Variants in PTGIS observed in about 807,000 individuals in gnomAD.
PTGIS encodes the protein prostacyclin synthase.
Under a neutral mutation model 50.3 loss-of-function variants are expected in PTGIS, and 45 were observed. The ratio of observed to expected loss-of-function variants is 0.90; its 90% CI spans 0.70 to 1.15. The LOEUF (loss-of-function observed/expected upper bound fraction) is 1.15. Ranked by LOEUF, PTGIS falls within the 50% of genes most tolerant of loss-of-function variation. PTGIS has a pLI of 0.00. For missense variants in PTGIS, 668 were observed against 661.3 expected (o/e 1.01, Z -0.11); for synonymous variants, 260 against 267.7 (o/e 0.97, Z 0.28).
chr20:49,539,727 G>T lies in PTGIS; in HGVS notation c.522-6C>A. Reference sequence around the variant, plus strand: ...AAAGAGTCAGGTAGCCGGCTCTGGGGGCGGCAGACAGAGGGTCAGGGGTCC... The same window carrying T: ...AAAGAGTCAGGTAGCCGGCTCTGGGTGCGGCAGACAGAGGGTCAGGGGTCC... On this transcript the variant is annotated splice_polypyrimidine_tract_variant and splice_region_variant and intron_variant, in intron 4 of 9. Transcript: ENST00000244043. 1.2e-6 allele frequency: 2 copies of T among 1,609,742 alleles called. No homozygotes were observed. Among genetic ancestry groups the T allele is most frequent in the Non-Finnish European group, 1.7e-6 (2 of 1,179,568 alleles).
chr20:49,511,984 G>C (rs1981332912), intron 8 of PTGIS, among the ~76,000 whole-genome samples: 2 of 152,028 alleles, frequency 1.3e-5, no homozygotes, highest in African/African-American at 2.4e-5. Flanking sequence ...TGGGTGGATA[G>C]ATGGATGGAT....
At chr20:49,549,357 T>C (rs763460646) in intron 2 of PTGIS, among the ~76,000 whole-genome samples, 1 of 152,226 alleles carries the variant, frequency 6.6e-6, no homozygotes, top group Non-Finnish European at 1.5e-5. Context: ...GCTAAATAAA[T>C]AGTTGTTAAA....
intron 6 of PTGIS, among the ~76,000 whole-genome samples, chr20:49,518,199 A>G (rs1981544902): frequency 6.6e-6 from 1 of 152,248 alleles, no homozygotes; most frequent in Non-Finnish European, 1.5e-5. Context: ...CAACGGAATA[A>G]AAGAATATCC....
At position 49,539,591 on chromosome 20, in the gene PTGIS, C is replaced by CAGGGAG. The variant is rs764773041; in HGVS notation, c.651_652insCTCCCT (p.Leu217_Ala218insLeuPro). On this transcript the variant is annotated inframe_insertion, in exon 5 of 10. Transcript: ENST00000244043. ...TTACCCACTGACAGGGAGCCACGGG[C>CAGGGAG]CAGTTTGGGGAGCAGCCGGTCGAGC... 9.3e-6 allele frequency: 15 copies of CAGGGAG among 1,613,882 alleles called. No homozygotes were observed. The highest frequency in any genetic ancestry group is 1.3e-5 in the Non-Finnish European group (15 of 1,179,972).
rs1462912051 is a variant in PTGIS at position 49,539,635 on chromosome 20, A to T, written c.608T>A (p.Val203Asp). 1 of 1,613,940 alleles carries T rather than the reference A, an allele frequency of 6.2e-7. No individual in the cohort carries two copies. Among genetic ancestry groups the T allele is most frequent in the Non-Finnish European group, 8.5e-7 (1 of 1,180,022 alleles). Residue 203 changes from valine (V) to aspartate (D), a missense_variant, in exon 5 of 10, where the codon GTC becomes GAC. By Grantham distance (152) the Val-to-Asp change is radical (BLOSUM62 -3). Coordinates refer to ENST00000244043, the MANE Select transcript of PTGIS (RefSeq NM_000961.4). ...GTCGAGCTGGCGAAAGGTGTGGAAG[A>T]CATCAGCTGAGTGGACGCGGTCCTG... ...QAQDRVHSAD[V>D]FHTFRQLDRL...
rs1208951286 is a variant in PTGIS, at chr20:49,504,588, G to A, written c.*3332C>T. On this transcript the variant is annotated 3_prime_UTR_variant, in exon 10 of 10. Transcript: ENST00000244043. ...GTGCGCCTGTAATCTCAGCTACTTG[G>A]GAAGCTGAGGCAGAAGCATTGCTTA... 6.6e-6 allele frequency: 1 copy of A among 151,956 alleles called. No individual in the cohort carries two copies. Among genetic ancestry groups the A allele is most frequent in the African/African-American group, 2.4e-5 (1 of 41,340 alleles). The allele number at this position is 151,956 out of a possible 1,614,324, so 9.4% of individuals were successfully genotyped here. A position where few individuals can be genotyped will look rare whatever the true frequency, so the allele number is the denominator to read the frequency against.
intron 6 of PTGIS, among the ~76,000 whole-genome samples, chr20:49,517,876 C>A (rs1981530214): frequency 6.6e-6 from 1 of 152,244 alleles, no homozygotes; most frequent in South Asian, 2.1e-4. Flanking sequence ...TGTGGGCCAT[C>A]CAGGACTGAC....
intron 1 of PTGIS, among the ~76,000 whole-genome samples, chr20:49,564,894 G>A (rs1337395810): frequency 5.3e-5 from 8 of 151,896 alleles, no homozygotes; most frequent in African/African-American, 1.7e-4. Flanking sequence ...GGGAGCTGGA[G>A]AGCCTTGCTT....
At chr20:49,537,549 G>A (rs577233660) in intron 5 of PTGIS, among the ~76,000 whole-genome samples, 1 of 152,284 alleles carries the variant, frequency 6.6e-6, no homozygotes, top group African/African-American at 2.4e-5. Context: ...GAGGTCAGGA[G>A]TTTAAGACCA....
intron 4 of PTGIS, 114 bp from the exon 5 acceptor site, chr20:49,539,835 C>T (rs1982180742): frequency 1.0e-5 from 14 of 1,382,882 alleles, no homozygotes; most frequent in South Asian, 8.7e-5. Context: ...TCCTACTGTG[C>T]GCCAAAGACC....
intron 2 of PTGIS, 67 bp downstream of exon 2, chr20:49,549,999 C>A (rs1982463674): frequency 1.9e-6 from 3 of 1,612,760 alleles, no homozygotes; most frequent in African/African-American, 2.7e-5. Flanking sequence ...TTGAAGGAAT[C>A]AACAGAAACC....
At chr20:49,525,926 G>A (rs148799762) in intron 5 of PTGIS, among the ~76,000 whole-genome samples, 108 of 152,028 alleles carry the variant, frequency 7.1e-4, no homozygotes, top group African/African-American at 2.3e-3. Context: ...AAAGTATGTT[G>A]GCTTCATTTT....
Position 49,508,009 on chromosome 20 carries a change from C to T in PTGIS, c.1414G>A (p.Glu472Lys). ...CTGCTGAGGTCAAACTCAGGGATCTCCACATCTGCGTTGATCAGCTCCAAG... is the reference window on the plus strand; with the variant it reads ...CTGCTGAGGTCAAACTCAGGGATCTTCACATCTGCGTTGATCAGCTCCAAG... ...LDLELINADV[E>K]IPEFDLSRYG... Residue 472 changes from glutamate to lysine, a missense_variant, in exon 10 of 10, where the codon GAG (glutamate) becomes AAG (lysine). Glu to Lys is a moderately conservative substitution (Grantham distance 56). Coordinates refer to ENST00000244043, the MANE Select transcript of PTGIS (RefSeq NM_000961.4). The T allele has an allele frequency of 6.2e-7, 1 of 1,613,962 alleles. No homozygotes were observed. The highest frequency in any genetic ancestry group is 8.5e-7 in the Non-Finnish European group (1 of 1,180,022).
Position 49,507,946 on chromosome 20 carries a change from G to A in PTGIS, c.1477C>T (p.Pro493Ser). The A allele has an allele frequency of 6.2e-7, 1 of 1,613,042 alleles. No individual in the cohort carries two copies. Among genetic ancestry groups the A allele is most frequent in the Non-Finnish European group, 8.5e-7 (1 of 1,180,032 alleles). The change falls in exon 10 of 10, where the codon CCC (proline) becomes TCC (serine). Residue 493 changes from proline to serine, a missense_variant. Physicochemically the swap from Pro to Ser is moderately conservative, Grantham distance 74. Coordinates refer to ENST00000244043, the MANE Select transcript of PTGIS (RefSeq NM_000961.4). ...CATGGGCGGATGCGGTAGCGGACGG[G>A]CACGTCGTGTTCCGGCTGCATCAGA... is the stretch of plus-strand genomic sequence containing the variant. ...FGLMQPEHDV[P>S]VRYRIRP is the part of the protein sequence containing the mutation.
intron 2 of PTGIS, among the ~76,000 whole-genome samples, chr20:49,549,395 A>G (rs1020880805): frequency 6.6e-6 from 1 of 152,246 alleles, no homozygotes; most frequent in African/African-American, 2.4e-5. Flanking sequence ...AATTACAACA[A>G]AAAAGTCTAA....
intron 6 of PTGIS, among the ~76,000 whole-genome samples, chr20:49,517,147 G>A (rs1255953186): frequency 6.6e-6 from 1 of 152,260 alleles, no homozygotes; most frequent in Non-Finnish European, 1.5e-5. Context: ...CAAGTCGGGG[G>A]GGCCTCCGGC....
At chr20:49,567,952 G>T in intron 1 of PTGIS, 91 bp downstream of exon 1, 1 of 1,254,502 alleles carries the variant, frequency 8.0e-7, no homozygotes, top group South Asian at 1.8e-5. Flanking sequence ...ACTCGGGCCG[G>T]GCCGGCCGCG....
intron 6 of PTGIS, among the ~76,000 whole-genome samples, chr20:49,516,695 G>C (rs916361674): frequency 5.9e-5 from 9 of 152,210 alleles, no homozygotes; most frequent in African/African-American, 2.2e-4. Context: ...CGTGAGGCCA[G>C]GAGGAACCAC....
chr20:49,539,787 C>A, intron 4 of PTGIS, 66 bp from the exon 5 acceptor site: 1 of 1,553,302 alleles, frequency 6.4e-7, no homozygotes, highest in Non-Finnish European at 8.7e-7. Flanking sequence ...CAGCTACTCA[C>A]AAGAGCTTCA....
Sources: allele counts gnomAD v4.1 joint callset (sites outside exome capture counted in the v4.1 genomes callset), GRCh38; gene constraint gnomAD v4.1.1; transcripts MANE v1.5; gene names NCBI Gene and HGNC (gene_info 2026-07-23, HGNC 2026-07-21).